DLC1: variants seen among roughly 807,000 people sequenced by gnomAD.
DLC1 encodes the protein DLC1 Rho GTPase activating protein.
A neutral mutation model predicts 140.3 loss-of-function variants in DLC1; 54 were observed. The observed-to-expected ratio is 0.38, with a 90% confidence interval of 0.31 to 0.48. DLC1 has a LOEUF of 0.48. Among genes scored for constraint, DLC1 ranks in the 20% least tolerant of loss-of-function variants. The pLI is 0.96. For synonymous variants in DLC1, 986 were observed against 728.1 expected (o/e 1.35, Z -5.70); for missense variants, 2,536 against 1,907.0 (o/e 1.33, Z -6.14).
intron 2 of DLC1, among the ~76,000 whole-genome samples, chr8:13,417,898 C>T (rs931768744): frequency 1.7e-4 from 26 of 152,100 alleles, no homozygotes; most frequent in Non-Finnish European, 3.2e-4. Flanking sequence ...TTAATGATTG[C>T]CGTCATTCTA....
intron 3 of DLC1, among the ~76,000 whole-genome samples, chr8:13,400,879 G>T (rs781308478): frequency 2.0e-5 from 3 of 152,124 alleles, no homozygotes; most frequent in Non-Finnish European, 4.4e-5. Context: ...AATTTTGAGT[G>T]TTGGACTCTT....
At chr8:13,242,506 C>T (rs1829583428) in intron 5 of DLC1, among the ~76,000 whole-genome samples, 2 of 152,020 alleles carry the variant, frequency 1.3e-5, no homozygotes, top group Admixed American at 1.3e-4. Context: ...ATGGATCCTC[C>T]CGCCTCAGTT....
chr8:13,378,843 T>C (rs1836116837), intron 4 of DLC1, among the ~76,000 whole-genome samples: 1 of 152,136 alleles, frequency 6.6e-6, no homozygotes, highest in African/African-American at 2.4e-5. Context: ...ACAGCAAATA[T>C]AATTACGAAT....
intron 2 of DLC1, among the ~76,000 whole-genome samples, chr8:13,435,028 A>G (rs987815834): frequency 1.7e-4 from 26 of 152,184 alleles, no homozygotes; most frequent in African/African-American, 5.8e-4. Context: ...TATAGCTGCC[A>G]TGGATAGAAT....
chr8:13,491,549 T>C (rs1044634606), intron 2 of DLC1, among the ~76,000 whole-genome samples: 1 of 152,218 alleles, frequency 6.6e-6, no homozygotes, highest in Non-Finnish European at 1.5e-5. Context: ...CACTCATCCT[T>C]GTCCACTCCT....
At chr8:13,223,962 T>C (rs368787305) in intron 5 of DLC1, among the ~76,000 whole-genome samples, 261 of 152,204 alleles carry the variant, frequency 1.7e-3, no homozygotes, top group African/African-American at 6.1e-3. Flanking sequence ...AAAAGGCAAA[T>C]AGAGTATGTG....
intron 5 of DLC1, among the ~76,000 whole-genome samples, chr8:13,285,607 T>C (rs955455237): frequency 6.6e-6 from 1 of 152,214 alleles, no homozygotes; most frequent in South Asian, 2.1e-4. Flanking sequence ...TAAAGACATA[T>C]GGAGATACCA....
chr8:13,447,971 C>T (rs1197656222), intron 2 of DLC1, among the ~76,000 whole-genome samples: 1 of 152,140 alleles, frequency 6.6e-6, no homozygotes, highest in Non-Finnish European at 1.5e-5. Context: ...GAAAATCCTC[C>T]TGAAATCTGT....
intron 1 of DLC1, among the ~76,000 whole-genome samples, chr8:13,579,918 T>G (rs1165686522): frequency 6.6e-6 from 1 of 151,746 alleles, no homozygotes; most frequent in Middle Eastern, 3.2e-3. Context: ...CAGTGCCTGG[T>G]TGAGACAAAC....
rs187008909 is a variant in DLC1 at position 13,442,054 on chromosome 8, T to G, written c.1024-40435A>C. 7.5e-3 allele frequency among the ~76,000 whole-genome samples: 1,143 copies of G among 152,180 alleles called. 13 individuals carry two copies. Among genetic ancestry groups the G allele is most frequent in the African/African-American group, 0.025 (1,054 of 41,506 alleles). Reference sequence around the variant, plus strand: ...GAGCCCTCAGAAATAATGCTGCATATCTACAACTATCTGATCTTTGACAAA... The same window carrying G: ...GAGCCCTCAGAAATAATGCTGCATAGCTACAACTATCTGATCTTTGACAAA... On this transcript the variant is annotated intron_variant, in intron 2 of 17. Transcript: ENST00000276297.
At chr8:13,581,490 T>G (rs1453559751) in intron 1 of DLC1, among the ~76,000 whole-genome samples, 1 of 152,218 alleles carries the variant, frequency 6.6e-6, no homozygotes, top group African/African-American at 2.4e-5. Context: ...TTTCTTTCTC[T>G]GATGTACTAT....
chr8:13,479,117 G>A (rs570096281), intron 2 of DLC1, among the ~76,000 whole-genome samples: 1 of 152,276 alleles, frequency 6.6e-6, no homozygotes, highest in East Asian at 1.9e-4. Context: ...CCCTCCTGTA[G>A]AAAGTAGGTC....
intron 5 of DLC1, among the ~76,000 whole-genome samples, chr8:13,253,627 T>C (rs1197377264): frequency 6.6e-6 from 1 of 152,210 alleles, no homozygotes; most frequent in African/African-American, 2.4e-5. Context: ...GTAAATCATC[T>C]CACCTGTTTT....
intron 2 of DLC1, among the ~76,000 whole-genome samples, chr8:13,461,131 G>T (rs1461049410): frequency 6.6e-6 from 1 of 152,222 alleles, no homozygotes; most frequent in African/African-American, 2.4e-5. Context: ...GTTTGCTTGA[G>T]CCCAGGAGTT....
intron 16 of DLC1, among the ~76,000 whole-genome samples, chr8:13,087,954 G>A (rs527676035): frequency 2.0e-5 from 3 of 152,170 alleles, no homozygotes; most frequent in African/African-American, 7.2e-5. Flanking sequence ...TCATTGGAAG[G>A]GGCCTCTCTT....
intron 5 of DLC1, among the ~76,000 whole-genome samples, chr8:13,183,339 C>T (rs759605757): frequency 3.3e-5 from 5 of 152,208 alleles, no homozygotes; most frequent in African/African-American, 4.8e-5. Context: ...CTGGCCAGAA[C>T]TTCCAACACT....
chr8:13,537,790 A>G (rs1174206479), intron 1 of DLC1, among the ~76,000 whole-genome samples: 2 of 151,398 alleles, frequency 1.3e-5, no homozygotes, highest in East Asian at 3.9e-4. Context: ...AGTAGCTAGG[A>G]CTACAGGCGC....
In DLC1 at chr8:13,366,917, C is replaced by T. The variant is rs560930141; in HGVS notation, c.1314+26636G>A. Among the ~76,000 whole-genome samples, 44 of 152,240 alleles carry T rather than the reference C, an allele frequency of 2.9e-4. 1 individual carries two copies. Among genetic ancestry groups the T allele is most frequent in the South Asian group, 2.1e-3 (10 of 4,814 alleles). On this transcript the variant is annotated intron_variant, in intron 4 of 17. Transcript: ENST00000276297. ...GGAATTGCTGGGCTCTTGCATTCCT[C>T]GATGTGTTGCATCACTTCCTTCCTT... is the stretch of plus-strand genomic sequence containing the variant.
chr8:13,391,139 A>T (rs982467177), intron 4 of DLC1, among the ~76,000 whole-genome samples: 1 of 152,128 alleles, frequency 6.6e-6, no homozygotes, highest in African/African-American at 2.4e-5. Flanking sequence ...AGAGAACTTT[A>T]CTAAATTATA....
Sources: allele counts gnomAD v4.1 joint callset (sites outside exome capture counted in the v4.1 genomes callset), GRCh38; gene constraint gnomAD v4.1.1; transcripts MANE v1.5; gene names NCBI Gene and HGNC (gene_info 2026-07-23, HGNC 2026-07-21).